DIAPH1: variants seen among roughly 807,000 people sequenced by gnomAD.
The protein encoded by DIAPH1 is diaphanous related formin 1, also known as protein diaphanous homolog 1.
A neutral mutation model predicts 140.7 loss-of-function variants in DIAPH1; 46 were observed. That is an observed-to-expected ratio of 0.33 (90% CI 0.26 to 0.42). The LOEUF is 0.42. DIAPH1 is among the 10% of genes least tolerant of loss of function. DIAPH1 has a pLI of 1.00. For missense variants in DIAPH1, 1,310 were observed against 1,558.7 expected, an observed-to-expected ratio of 0.84 and a Z score of 2.69; for synonymous variants, 565 against 551.6, an observed-to-expected ratio of 1.02 and a Z score of -0.34.
chr5:141,582,833 A>G lies in DIAPH1; in HGVS notation c.620+373T>C, dbSNP rs1048385070. Reference sequence around the variant, plus strand: ...CCAAGGTATACCTAAAATTATTCCAACCTTGAAGACTGTCACAATACTAGT... The same window carrying G: ...CCAAGGTATACCTAAAATTATTCCAGCCTTGAAGACTGTCACAATACTAGT... On this transcript the variant is annotated intron_variant, in intron 6 of 27. Transcript: ENST00000389054. 6.6e-5 allele frequency among the ~76,000 whole-genome samples: 10 copies of G among 152,306 alleles called. 1 individual carries two copies. Among genetic ancestry groups the G allele is most frequent in the African/African-American group, 2.4e-4 (10 of 41,556 alleles).
At chr5:141,549,015 GA>G (rs2099891273) in intron 18 of DIAPH1, among the ~76,000 whole-genome samples, 1 of 151,820 alleles carries the variant, frequency 6.6e-6, no homozygotes, top group Non-Finnish European at 1.5e-5. Flanking sequence ...GGCAAAAACA[GA>G]AAAAAGAACA....
At chr5:141,609,854 T>C (rs1333108963) in intron 1 of DIAPH1, among the ~76,000 whole-genome samples, 2 of 152,160 alleles carry the variant, frequency 1.3e-5, no homozygotes, top group Non-Finnish European at 2.9e-5. Context: ...CCACGATAAA[T>C]GGAATGAAAG....
intron 2 of DIAPH1, among the ~76,000 whole-genome samples, chr5:141,588,014 A>G (rs1206911876): frequency 6.6e-6 from 1 of 152,242 alleles, no homozygotes; most frequent in Non-Finnish European, 1.5e-5. Context: ...GAGTTTAAAG[A>G]GCATGCCTAA....
chr5:141,612,015 C>T (rs1200950852), intron 1 of DIAPH1, among the ~76,000 whole-genome samples: 2 of 152,144 alleles, frequency 1.3e-5, no homozygotes, highest in Middle Eastern at 3.4e-3. Context: ...TCCGGTAAGC[C>T]GAGATTATGC....
At chr5:141,612,265 G>C (rs2099901968) in intron 1 of DIAPH1, among the ~76,000 whole-genome samples, 1 of 152,150 alleles carries the variant, frequency 6.6e-6, no homozygotes, top group Non-Finnish European at 1.5e-5. Flanking sequence ...TCTCAATTAA[G>C]CATAGATCTA....
At chr5:141,604,698 TCTCTTTTTTGTATC>T in intron 1 of DIAPH1, among the ~76,000 whole-genome samples, 1 of 152,296 alleles carries the variant, frequency 6.6e-6, no homozygotes, top group Admixed American at 6.5e-5. Flanking sequence ...TTCTAAATAA[TCTCTTTTTTGTATC>T]CTCACACCAC....
intron 11 of DIAPH1, 170 bp downstream of exon 11, chr5:141,578,055 G>A (rs989644149): frequency 1.4e-5 from 10 of 703,260 alleles, no homozygotes; most frequent in South Asian, 1.4e-4. Flanking sequence ...TCTATGATAA[G>A]CTAAGTAAAG....
At chr5:141,572,796 A>ACTCACATC (rs2099895383) in intron 16 of DIAPH1, among the ~76,000 whole-genome samples, 1 of 151,348 alleles carries the variant, frequency 6.6e-6, no homozygotes, top group Non-Finnish European at 1.5e-5. Context: ...GGCCTGTGTA[A>ACTCACATC]CTCACATCCT....
At chr5:141,566,417 T>C (rs759693063) in intron 18 of DIAPH1, among the ~76,000 whole-genome samples, 3 of 152,194 alleles carry the variant, frequency 2.0e-5, no homozygotes, top group South Asian at 2.1e-4. Flanking sequence ...CGGGTGTCAG[T>C]AGATGACAAC....
At chr5:141,518,443 G>A (rs757458306) in intron 27 of DIAPH1, among the ~76,000 whole-genome samples, 1 of 151,976 alleles carries the variant, frequency 6.6e-6, no homozygotes, top group Non-Finnish European at 1.5e-5. Flanking sequence ...CAAGACTGGG[G>A]CAGCTGCATG....
intron 1 of DIAPH1, 87 bp downstream of exon 1, chr5:141,618,711 A>C: frequency 1.0e-6 from 1 of 965,086 alleles, no homozygotes; most frequent in Non-Finnish European, 1.6e-6. Flanking sequence ...GGCTCCCCAA[A>C]GCCGGGCAGG....
rs1382190928 is a variant in DIAPH1 at position 141,578,627 on chromosome 5, T to C, written c.934-2A>G. The C allele has an allele frequency of 6.2e-7, 1 of 1,611,308 alleles. No homozygotes were observed. Among genetic ancestry groups the C allele is most frequent in the African/African-American group, 1.3e-5 (1 of 74,848 alleles). On this transcript the variant is annotated splice_acceptor_variant, in intron 9 of 27. Coordinates refer to ENST00000389054, the MANE Select transcript of DIAPH1 (RefSeq NM_005219.5). LOFTEE classifies it high-confidence loss of function. ...ATTGATCAGCTGTAGGCATCCAACCTAAAATAAGAAAATTCAGCAGCTATG... is the reference window on the plus strand; with the variant it reads ...ATTGATCAGCTGTAGGCATCCAACCCAAAATAAGAAAATTCAGCAGCTATG...
intron 18 of DIAPH1, among the ~76,000 whole-genome samples, chr5:141,549,284 C>G (rs2099891333): frequency 6.6e-6 from 1 of 152,054 alleles, no homozygotes; most frequent in Non-Finnish European, 1.5e-5. Flanking sequence ...GAGATATCAT[C>G]TCTAATAACT....
At chr5:141,552,194 T>TG (rs1218031570) in intron 18 of DIAPH1, among the ~76,000 whole-genome samples, 1 of 139,898 alleles carries the variant, frequency 7.1e-6, no homozygotes, top group East Asian at 2.0e-4. Context: ...GTTTTTGTTG[T>TG]TTTTTTTTTT....
chr5:141,601,274 CAG>C (rs1491426722), intron 1 of DIAPH1, among the ~76,000 whole-genome samples: 1 of 146,468 alleles, frequency 6.8e-6, no homozygotes, highest in Non-Finnish European at 1.5e-5. Flanking sequence ...ATCTTAGACA[CAG>C]AAAAAAAAAA....
chr5:141,553,307 A>G (rs1293547823), intron 18 of DIAPH1, among the ~76,000 whole-genome samples: 2 of 150,762 alleles, frequency 1.3e-5, no homozygotes, highest in Non-Finnish European at 3.0e-5. Flanking sequence ...TGTCTCAAAA[A>G]AACAACTTAA....
chr5:141,521,770 C>T (rs1213565568), intron 27 of DIAPH1, among the ~76,000 whole-genome samples: 1 of 152,154 alleles, frequency 6.6e-6, no homozygotes, highest in African/African-American at 2.4e-5. Context: ...TCAGTAGCTG[C>T]ATAGAGAAAC....
At chr5:141,538,250 C>A (rs985642867) in intron 18 of DIAPH1, among the ~76,000 whole-genome samples, 13 of 151,992 alleles carry the variant, frequency 8.6e-5, no homozygotes, top group African/African-American at 2.4e-4. Flanking sequence ...TTAGTAGAGA[C>A]AGGGTTTCAC....
At chr5:141,555,878 C>G (rs1053860047) in intron 18 of DIAPH1, among the ~76,000 whole-genome samples, 2 of 152,178 alleles carry the variant, frequency 1.3e-5, no homozygotes, top group Non-Finnish European at 2.9e-5. Flanking sequence ...CTAGTGGGAA[C>G]TATAGTTTCC....
Sources: allele counts gnomAD v4.1 joint callset (sites outside exome capture counted in the v4.1 genomes callset), GRCh38; gene constraint gnomAD v4.1.1; transcripts MANE v1.5; gene names NCBI Gene and HGNC (gene_info 2026-07-23, HGNC 2026-07-21).